CSMD3: variants seen among roughly 807,000 people sequenced by gnomAD.
CSMD3 encodes the protein CUB and sushi domain-containing protein 3.
Under a neutral mutation model 435.2 loss-of-function variants are expected in CSMD3, and 177 were observed. The observed-to-expected ratio is 0.41, with a 90% confidence interval of 0.36 to 0.46. The LOEUF (loss-of-function observed/expected upper bound fraction) is 0.46. CSMD3 is among the 20% of genes least tolerant of loss of function. CSMD3 has a pLI of 0.34. For synonymous variants in CSMD3, 1,656 were observed against 1,520.5 expected, an observed-to-expected ratio of 1.09 and a Z score of -2.07; for missense variants, 4,265 against 4,504.6, an observed-to-expected ratio of 0.95 and a Z score of 1.52.
Position 112,768,484 on chromosome 8 carries a change from A to C in CSMD3, c.1972+31678T>G, listed in dbSNP as rs182627195. On this transcript the variant is annotated intron_variant, in intron 13 of 70. Coordinates refer to ENST00000297405, the MANE Select transcript of CSMD3 (RefSeq NM_198123.2). ...CTCCTACAAAATAAGGACTTCTTCC[A>C]GAATGTAAATCAATGATGTCCTTAA... is the stretch of plus-strand genomic sequence containing the variant. 1.2e-3 allele frequency among the ~76,000 whole-genome samples: 177 copies of C among 152,070 alleles called. 2 individuals carry two copies. Among genetic ancestry groups the C allele is most frequent in the Non-Finnish European group, 2.4e-4 (16 of 67,912 alleles).
At chr8:112,579,359 T>C (rs565936030) in intron 23 of CSMD3, among the ~76,000 whole-genome samples, 5 of 152,118 alleles carry the variant, frequency 3.3e-5, no homozygotes, top group South Asian at 2.1e-4. Context: ...AATACTCCCA[T>C]TGGCTGACAT....
intron 4 of CSMD3, among the ~76,000 whole-genome samples, chr8:113,145,358 G>C (rs924389118): frequency 6.6e-6 from 1 of 151,480 alleles, no homozygotes; most frequent in Non-Finnish European, 1.5e-5. Flanking sequence ...CAAGTGTTTT[G>C]AGTATCTCTG....
chr8:112,498,958 T>C (rs1451735649), intron 30 of CSMD3, among the ~76,000 whole-genome samples: 1 of 152,146 alleles, frequency 6.6e-6, no homozygotes, highest in Admixed American at 6.5e-5. Flanking sequence ...GCAAACTGAA[T>C]AATTACTGTG....
chr8:112,242,653 G>T (rs1341422206), intron 65 of CSMD3, among the ~76,000 whole-genome samples: 1 of 151,918 alleles, frequency 6.6e-6, no homozygotes, highest in Non-Finnish European at 1.5e-5. Context: ...ACTATAGGAT[G>T]GTAATATCAC....
intron 28 of CSMD3, among the ~76,000 whole-genome samples, chr8:112,516,578 C>A (rs556705387): frequency 1.3e-5 from 2 of 152,144 alleles, no homozygotes; most frequent in East Asian, 3.9e-4. Flanking sequence ...CAAATAAAAA[C>A]CAATATTCCT....
intron 3 of CSMD3, among the ~76,000 whole-genome samples, chr8:113,220,733 T>C (rs551093834): frequency 6.6e-6 from 1 of 151,398 alleles, no homozygotes; most frequent in East Asian, 2.0e-4. Context: ...GGCCTGAAAA[T>C]GTTTTTTAGC....
chr8:112,609,054 AGAC>A (rs561601783), intron 22 of CSMD3, among the ~76,000 whole-genome samples: 2 of 151,736 alleles, frequency 1.3e-5, no homozygotes, highest in Non-Finnish European at 2.9e-5. Context: ...CAAAATGAAA[AGAC>A]AACACATGGT....
At chr8:112,335,597 G>A in intron 44 of CSMD3, 123 bp from the exon 45 acceptor site, 1 of 858,886 alleles carries the variant, frequency 1.2e-6, no homozygotes, top group South Asian at 1.4e-5. Flanking sequence ...AAAGATGCAG[G>A]AAGCTAACCA....
rs554177151 is a variant in CSMD3 at position 112,780,200 on chromosome 8, C to T, written c.1972+19962G>A. Among the ~76,000 whole-genome samples the T allele has an allele frequency of 1.0e-3, 152 of 152,008 alleles. 1 individual carries two copies. Among genetic ancestry groups the T allele is most frequent in the African/African-American group, 3.3e-3 (138 of 41,486 alleles). On this transcript the variant is annotated intron_variant, in intron 13 of 70. Transcript: ENST00000297405. The stretch of plus-strand genomic sequence containing the variant: ...CATATACCCTGGCGCCATGTAGAAA[C>T]GCAAAGTGTGAAGCAATATAGTACA...
chr8:112,940,992 A>G (rs1274395904), intron 9 of CSMD3, among the ~76,000 whole-genome samples: 1 of 151,824 alleles, frequency 6.6e-6, no homozygotes, highest in Non-Finnish European at 1.5e-5. Flanking sequence ...ATCTGATTAC[A>G]AGGATCTTGC....
At chr8:112,709,565 A>T (rs2069158969) in intron 13 of CSMD3, among the ~76,000 whole-genome samples, 1 of 152,106 alleles carries the variant, frequency 6.6e-6, no homozygotes, top group Non-Finnish European at 1.5e-5. Flanking sequence ...AGAAAAAAAT[A>T]CTAAAATTGA....
At chr8:112,634,608 G>T (rs187799131) in intron 22 of CSMD3, among the ~76,000 whole-genome samples, 1 of 151,914 alleles carries the variant, frequency 6.6e-6, no homozygotes, top group Non-Finnish European at 1.5e-5. Context: ...ATTTGGGTAC[G>T]AATAAACCAG....
intron 14 of CSMD3, among the ~76,000 whole-genome samples, chr8:112,687,536 C>A (rs1278848873): frequency 6.6e-6 from 1 of 152,006 alleles, no homozygotes; most frequent in African/African-American, 2.4e-5. Context: ...GACATTATAC[C>A]AATATCTATT....
intron 59 of CSMD3, among the ~76,000 whole-genome samples, chr8:112,272,184 C>A (rs1169263260): frequency 2.6e-5 from 4 of 152,134 alleles, no homozygotes; most frequent in Non-Finnish European, 5.9e-5. Flanking sequence ...AATGTTTGTT[C>A]TTTAGTATTT....
intron 2 of CSMD3, chr8:113,313,519 C>A (rs2132663634): frequency 6.6e-6 from 1 of 152,028 alleles, no homozygotes; most frequent in South Asian, 2.1e-4. Flanking sequence ...GACGGGGTTT[C>A]ACTAAAACAC....
chr8:112,758,956 T>C (rs1054922051), intron 13 of CSMD3, among the ~76,000 whole-genome samples: 1 of 152,202 alleles, frequency 6.6e-6, no homozygotes, highest in Non-Finnish European at 1.5e-5. Flanking sequence ...ATTATATAAT[T>C]GGTTTGTGAA....
intron 67 of CSMD3, among the ~76,000 whole-genome samples, chr8:112,235,965 C>T (rs182036586): frequency 6.6e-6 from 1 of 151,856 alleles, no homozygotes; most frequent in Admixed American, 6.5e-5. Context: ...ACTTTGTTAA[C>T]ACATCAAAGT....
chr8:113,004,478 T>C (rs1315960098), intron 6 of CSMD3, among the ~76,000 whole-genome samples: 1 of 152,148 alleles, frequency 6.6e-6, no homozygotes, highest in African/African-American at 2.4e-5. Context: ...TATTGAACAA[T>C]GTAGAGCAGG....
chr8:112,699,858 A>G (rs958606715), intron 13 of CSMD3, among the ~76,000 whole-genome samples: 4 of 152,326 alleles, frequency 2.6e-5, no homozygotes, highest in Admixed American at 1.3e-4. Context: ...AGATAGGGAA[A>G]CATTGAGGAA....
Sources: allele counts gnomAD v4.1 joint callset (sites outside exome capture counted in the v4.1 genomes callset), GRCh38; gene constraint gnomAD v4.1.1; transcripts MANE v1.5; gene names NCBI Gene and HGNC (gene_info 2026-07-23, HGNC 2026-07-21).